NTRK3: variants seen among roughly 807,000 people sequenced by gnomAD.
NTRK3 encodes the protein NT-3 growth factor receptor.
NTRK3 carries 24 observed loss-of-function variants against 91.7 expected under a neutral mutation model. The ratio of observed to expected loss-of-function variants is 0.26; its 90% confidence interval spans 0.19 to 0.37. NTRK3 has a LOEUF of 0.37. Ranked by LOEUF, NTRK3 falls within the 10% of genes least tolerant of loss-of-function variation. NTRK3 has a pLI of 1.00. For synonymous variants in NTRK3, 483 were observed against 404.0 expected (o/e 1.20, Z -2.34); for missense variants, 880 against 1,068.9 (o/e 0.82, Z 2.46).
intron 13 of NTRK3, among the ~76,000 whole-genome samples, chr15:88,116,307 C>T (rs11631259): frequency 0.23 from 35,017 of 151,938 alleles, 4,235 homozygotes; most frequent in Non-Finnish European, 0.25. Flanking sequence ...TATAGAGGCC[C>T]GGTGTGGTGG....
At chr15:88,039,904 G>A (rs1029628965) in intron 13 of NTRK3, among the ~76,000 whole-genome samples, 3 of 152,324 alleles carry the variant, frequency 2.0e-5, no homozygotes, top group Admixed American at 2.0e-4. Flanking sequence ...TTTAAAAGAG[G>A]AAAAGCAGAG....
chr15:88,114,147 A>T (rs2051768162), intron 13 of NTRK3, among the ~76,000 whole-genome samples: 1 of 152,094 alleles, frequency 6.6e-6, no homozygotes, highest in East Asian at 1.9e-4. Flanking sequence ...TTTCACCACA[A>T]AGGGGCAGAT....
chr15:88,201,394 G>A (rs905839691), intron 3 of NTRK3, among the ~76,000 whole-genome samples: 3 of 152,130 alleles, frequency 2.0e-5, no homozygotes, highest in Non-Finnish European at 4.4e-5. Context: ...CGGTTCTAAG[G>A]GTGTGTGAAG....
chr15:88,109,740 G>A (rs992973821), intron 13 of NTRK3, among the ~76,000 whole-genome samples: 7 of 152,140 alleles, frequency 4.6e-5, no homozygotes, highest in African/African-American at 1.7e-4. Flanking sequence ...CCCATCCACT[G>A]AGATTCTGAC....
At chr15:87,955,994 GAAT>G in intron 14 of NTRK3, among the ~76,000 whole-genome samples, 1 of 152,198 alleles carries the variant, frequency 6.6e-6, no homozygotes, top group East Asian at 1.9e-4. Context: ...CAGGAAATTT[GAAT>G]ACATTGTAAT....
intron 1 of NTRK3, 51 bp from the exon 2 acceptor site, chr15:88,256,537 G>T (rs2054073210): frequency 5.8e-6 from 3 of 513,014 alleles, no homozygotes; most frequent in African/African-American, 2.0e-5. Context: ...AAAAGGAAAA[G>T]GAAAAAATGG....
At chr15:87,970,322 T>C (rs1455555854) in intron 14 of NTRK3, among the ~76,000 whole-genome samples, 2 of 152,212 alleles carry the variant, frequency 1.3e-5, no homozygotes, top group Non-Finnish European at 1.5e-5. Flanking sequence ...GAAGGTTTCC[T>C]GATCTTCACA....
chr15:87,886,797 T>G (rs1410372892), intron 17 of NTRK3, among the ~76,000 whole-genome samples: 11 of 147,968 alleles, frequency 7.4e-5, no homozygotes, highest in African/African-American at 2.7e-4. Context: ...GTGATAATCA[T>G]GTATCACACT....
At chr15:88,133,396 C>T (rs2041571071) in intron 10 of NTRK3, among the ~76,000 whole-genome samples, 2 of 152,158 alleles carry the variant, frequency 1.3e-5, no homozygotes, top group Non-Finnish European at 2.9e-5. Context: ...ATACCCCTGG[C>T]AGAAGGAGCC....
At chr15:88,201,826 G>A (rs1287468272) in intron 3 of NTRK3, among the ~76,000 whole-genome samples, 2 of 152,128 alleles carry the variant, frequency 1.3e-5, no homozygotes, top group African/African-American at 4.8e-5. Context: ...TGTCCACTGG[G>A]TCTGCTCATA....
chr15:87,863,994 T>A (rs57556116), exon 19 of NTRK3: 2,474 of 218,438 alleles, frequency 0.011, 66 homozygotes, highest in African/African-American at 0.053. Flanking sequence ...CACACACACA[T>A]ACACACACAC....
chr15:88,033,136 C>T, intron 13 of NTRK3, 91 bp from the exon 14 acceptor site: 1 of 1,073,758 alleles, frequency 9.3e-7, no homozygotes, highest in Non-Finnish European at 1.3e-6. Flanking sequence ...CTACTGTTCC[C>T]ATCACAAACA....
intron 13 of NTRK3, among the ~76,000 whole-genome samples, chr15:88,107,396 T>C (rs991180444): frequency 2.0e-5 from 3 of 152,172 alleles, no homozygotes; most frequent in African/African-American, 7.2e-5. Flanking sequence ...AGAGCTGTGA[T>C]CACATTACTG....
intron 14 of NTRK3, among the ~76,000 whole-genome samples, chr15:88,023,765 A>AG (rs1186828481): frequency 6.6e-6 from 1 of 152,190 alleles, no homozygotes; most frequent in Non-Finnish European, 1.5e-5. Flanking sequence ...CTCCCAGCCC[A>AG]GCCCTGTAAC....
chr15:88,071,545 G>A (rs561989237), intron 13 of NTRK3, among the ~76,000 whole-genome samples: 62 of 152,338 alleles, frequency 4.1e-4, no homozygotes, highest in Non-Finnish European at 6.6e-4. Flanking sequence ...AAGGAAAAAG[G>A]AACAGATATT....
intron 3 of NTRK3, among the ~76,000 whole-genome samples, chr15:88,228,397 T>C (rs2050869036): frequency 1.3e-5 from 2 of 152,152 alleles, no homozygotes; most frequent in South Asian, 4.1e-4. Context: ...TATGGCTCAA[T>C]CTTCCTGAAA....
intron 13 of NTRK3, among the ~76,000 whole-genome samples, chr15:88,106,106 G>T (rs992577518): frequency 2.0e-5 from 3 of 152,198 alleles, no homozygotes; most frequent in African/African-American, 7.2e-5. Flanking sequence ...GTCCATTCCG[G>T]CTTACCCAGT....
intron 14 of NTRK3, among the ~76,000 whole-genome samples, chr15:88,008,988 AAAG>A (rs1484930910): frequency 6.6e-6 from 1 of 152,178 alleles, no homozygotes; most frequent in African/African-American, 2.4e-5. Flanking sequence ...CTCTCAGGTT[AAAG>A]AAGAACAGAT....
Position 88,255,785 on chromosome 15 carries a change from C to CCAGCGGG in NTRK3, c.248+114_248+120dup. On this transcript the variant is annotated intron_variant, in intron 3 of 18. Transcript: ENST00000394480. The surrounding 1 kb of genome is among the most constrained non-coding windows in gnomAD (Gnocchi z 4.3). ...GAGCCAGAGCGAGCCTGACGCGCGC[C>CCAGCGGG]CAGCGGGCGGCGGGCAGCGGCGAGC... The CCAGCGGG allele has an allele frequency of 1.3e-6, 1 of 795,154 alleles. No individual in the cohort carries two copies. The highest frequency in any genetic ancestry group is 1.7e-6 in the Non-Finnish European group (1 of 574,356). 49.3% of individuals were successfully genotyped at this position (795,154 alleles called of 1,614,324 possible). A position where few individuals can be genotyped will look rare whatever the true frequency, so the allele number is the denominator to read the frequency against.
Sources: gnomAD v4.1 joint callset for allele counts (sites outside exome capture counted in the v4.1 genomes callset) on GRCh38, gnomAD v4.1.1 for gene constraint, Gnocchi (gnomAD v3.1) non-coding constraint, MANE v1.5 for transcripts, NCBI Gene and HGNC (gene_info 2026-07-23, HGNC 2026-07-21) for gene names.